WSB2: variants seen among roughly 807,000 people sequenced by gnomAD.
The protein encoded by WSB2 is WD repeat and SOCS box containing 2, also known as WD repeat and SOCS box-containing protein 2.
In WSB2, 12 loss-of-function variants were observed where a neutral mutation model predicts 48.8. The observed-to-expected ratio is 0.25, with a 90% CI of 0.16 to 0.40. The LOEUF is 0.40. Ranked by LOEUF, WSB2 falls within the 10% of genes least tolerant of loss-of-function variation. The pLI is 1.00. For synonymous variants in WSB2, 191 were observed against 203.1 expected (o/e 0.94, Z 0.51); for missense variants, 317 against 506.2 (o/e 0.63, Z 3.59).
intron 2 of WSB2, among the ~76,000 whole-genome samples, chr12:118,045,974 T>C (rs2031737516): frequency 6.6e-6 from 1 of 152,202 alleles, no homozygotes. Flanking sequence ...CTAGTGCATT[T>C]CACTTAGGAT....
At chr12:118,049,464 C>T (rs141259738) in intron 2 of WSB2, among the ~76,000 whole-genome samples, 120 of 151,864 alleles carry the variant, frequency 7.9e-4, no homozygotes, top group African/African-American at 2.8e-3. Context: ...TGCAGTGGCG[C>T]GATCTCAGCT....
rs1472674316 is a variant in WSB2 at position 118,032,895 on chromosome 12, A to G, written c.*1301T>C. The G allele has an allele frequency of 6.6e-6, 1 of 152,036 alleles. No homozygotes were observed. Among genetic ancestry groups the G allele is most frequent in the Non-Finnish European group, 1.5e-5 (1 of 68,020 alleles). 9.4% of individuals were successfully genotyped at this position (152,036 alleles called of 1,614,324 possible). On this transcript the variant is annotated 3_prime_UTR_variant, in exon 9 of 9. Transcript: ENST00000315436. The stretch of plus-strand genomic sequence containing the variant: ...TTTTCTTAATGGAAAAAAATGAAAC[A>G]GAGAGCCAAAAGCTTTTAACTGTTG...
At chr12:118,038,225 A>T (rs2031555668) in intron 5 of WSB2, 63 bp downstream of exon 5, 1 of 1,505,434 alleles carries the variant, frequency 6.6e-7, no homozygotes, top group South Asian at 1.2e-5. Context: ...ACTCACACAC[A>T]CCAGGCCACC....
chr12:118,054,692 A>C (rs1347452527), intron 1 of WSB2, among the ~76,000 whole-genome samples: 1 of 113,460 alleles, frequency 8.8e-6, no homozygotes, highest in African/African-American at 2.6e-5. Flanking sequence ...AATAATAATA[A>C]TAATAATAAT....
At chr12:118,042,651 T>C (rs1593466151) in intron 4 of WSB2, 190 bp downstream of exon 4, 1 of 768,952 alleles carries the variant, frequency 1.3e-6, no homozygotes, top group East Asian at 2.7e-5. Context: ...TATTAAACTC[T>C]ATTTGGTATA....
chr12:118,061,313 G>A, upstream of WSB2: 2 of 539,170 alleles, frequency 3.7e-6, no homozygotes, highest in Non-Finnish European at 4.7e-6. Context: ...GAGGCGGTAC[G>A]CTGACGGGAT....
chr12:118,036,420 A>C lies in WSB2; in HGVS notation c.751T>G (p.Ser251Ala), dbSNP rs1453992370. 6.2e-7 allele frequency: 1 copy of C among 1,614,220 alleles called. No individual in the cohort carries two copies. The change falls in exon 6 of 9, where the codon TCT (serine) becomes GCT (alanine). Residue 251 changes from serine to alanine, a missense_variant. Coordinates refer to ENST00000315436, the MANE Select transcript of WSB2 (RefSeq NM_018639.5). ...SVVSCDFSPD[S>A]ALLVTASYDT... ...TAAGAAGCCGTGACAAGCAGGGCAG[A>C]GTCGGGGGAGAAGTCACAAGAGACA...
At chr12:118,055,607 CTTTT>C (rs748354611) in intron 1 of WSB2, among the ~76,000 whole-genome samples, 57 of 81,706 alleles carry the variant, frequency 7.0e-4, no homozygotes, top group African/African-American at 2.9e-3. Context: ...CTACATTATC[CTTTT>C]TTTTTTTTTT....
At chr12:118,053,632 T>C (rs528020996) in intron 1 of WSB2, among the ~76,000 whole-genome samples, 2 of 152,340 alleles carry the variant, frequency 1.3e-5, no homozygotes, top group Admixed American at 6.5e-5. Flanking sequence ...AGCTTCTTCA[T>C]TGACTGACCC....
chr12:118,043,310 T>G lies in WSB2; in HGVS notation c.250A>C (p.Lys84Gln). The G allele has an allele frequency of 1.2e-6, 2 of 1,612,396 alleles. No homozygotes were observed. Among genetic ancestry groups the G allele is most frequent in the African/African-American group, 1.3e-5 (1 of 75,030 alleles). ...KNETKGRGSP[K>Q]EKTLDCGQIV... is the part of the protein sequence containing the mutation. The stretch of plus-strand genomic sequence containing the variant: ...TGACCACAGTCCAGCGTCTTCTCTT[T>G]TGGGCTGCCCCGCCCTTTCGTCTCA... The change falls in exon 3 of 9, where the codon AAA becomes CAA. Residue 84 changes from lysine (K) to glutamine (Q), a missense_variant. Lys to Gln is a moderately conservative substitution (Grantham distance 53). Coordinates refer to ENST00000315436, the MANE Select transcript of WSB2 (RefSeq NM_018639.5).
In WSB2 at chr12:118,060,546, T is replaced by C. The variant is rs2032042136; in HGVS notation, c.13+490A>G. Among the ~76,000 whole-genome samples the C allele has an allele frequency of 6.6e-6, 1 of 152,166 alleles. No homozygotes were observed. The highest frequency in any genetic ancestry group is 1.5e-5 in the Non-Finnish European group (1 of 68,010). ...AGGAAGGTACTAGGATTATCCCATT[T>C]TGCAGATCAAAACTGAGACGTGGGT... On this transcript the variant is annotated intron_variant, in intron 1 of 8. Coordinates refer to ENST00000315436, the MANE Select transcript of WSB2 (RefSeq NM_018639.5). This position sits in a 1 kb window ranked among gnomAD's most constrained non-coding sequence, Gnocchi z 4.1.
intron 2 of WSB2, 24 bp downstream of exon 2, chr12:118,052,286 G>T (rs1281482988): frequency 6.2e-7 from 1 of 1,606,768 alleles, no homozygotes; most frequent in Non-Finnish European, 8.5e-7. Context: ...GCGCCGGATG[G>T]GGCCCCAGTA....
At chr12:118,051,067 AAAAG>A (rs980521745) in intron 2 of WSB2, among the ~76,000 whole-genome samples, 37 of 152,064 alleles carry the variant, frequency 2.4e-4, no homozygotes, top group African/African-American at 6.5e-4. Context: ...AAGAAAAAAA[AAAAG>A]AAAGAAAGAA....
chr12:118,059,392 C>A (rs1219618115), intron 1 of WSB2, among the ~76,000 whole-genome samples: 1 of 151,992 alleles, frequency 6.6e-6, no homozygotes, highest in Non-Finnish European at 1.5e-5. Context: ...CGGGGCTGGC[C>A]TAGAGGGTGC....
rs748861369 is a variant in WSB2 at position 118,036,403 on chromosome 12, C to T, written c.768G>A (p.Thr256=). Reference sequence around the variant, plus strand: ...TAATCACATTGGTATCGTAAGAAGCCGTGACAAGCAGGGCAGAGTCGGGGG... The same window carrying T: ...TAATCACATTGGTATCGTAAGAAGCTGTGACAAGCAGGGCAGAGTCGGGGG... ...DFSPDSALLV[T]ASYDTNVIMW... Residue 256 remains threonine, a synonymous_variant, in exon 6 of 9, where the codon ACG becomes ACA. Transcript: ENST00000315436. 27 of 1,614,012 alleles carry T rather than the reference C, an allele frequency of 1.7e-5. No homozygotes were observed. The highest frequency in any genetic ancestry group is 6.7e-5 in the African/African-American group (5 of 74,902).
chr12:118,037,175 GTC>G (rs921988326), intron 5 of WSB2, among the ~76,000 whole-genome samples: 3 of 151,154 alleles, frequency 2.0e-5, no homozygotes, highest in Admixed American at 6.6e-5. Context: ...GAGTAAGACT[GTC>G]TCAAATTTTT....
In WSB2 at chr12:118,035,068, G is replaced by A; in HGVS notation, c.970C>T (p.Leu324=). The change falls in exon 8 of 9, where the codon CTG becomes TTG. Residue 324 remains leucine, a synonymous_variant. Coordinates refer to ENST00000315436, the MANE Select transcript of WSB2 (RefSeq NM_018639.5). The stretch of plus-strand genomic sequence containing the variant: ...GGAGCAAATGCAATGGGAGTTTTCA[G>A]TTCCAGGGCCCAGATCCTGAGGAGT... ...DRLLRIWALE[L]KTPIAFAPMT... 6.2e-7 allele frequency: 1 copy of A among 1,614,208 alleles called. No homozygotes were observed. Among genetic ancestry groups the A allele is most frequent in the Non-Finnish European group, 8.5e-7 (1 of 1,180,036 alleles).
chr12:118,061,877 T>G (rs567622902), upstream of WSB2, among the ~76,000 whole-genome samples: 1 of 121,562 alleles, frequency 8.2e-6, no homozygotes, highest in African/African-American at 3.2e-5. Flanking sequence ...GAAGGTGTAA[T>G]AACCGGGTGC....
In WSB2 at chr12:118,035,195, A is replaced by G; in HGVS notation, c.944+19T>C. Reference sequence around the variant, plus strand: ...AAGCACTTGTTCTGAGGCCATGTAAAGAGAGTTCTCTTCGTTACCTGTCAT... The same window carrying G: ...AAGCACTTGTTCTGAGGCCATGTAAGGAGAGTTCTCTTCGTTACCTGTCAT... On this transcript the variant is annotated intron_variant, in intron 7 of 8. Transcript: ENST00000315436. The G allele has an allele frequency of 6.2e-7, 1 of 1,613,870 alleles. No individual in the cohort carries two copies. The highest frequency in any genetic ancestry group is 8.5e-7 in the Non-Finnish European group (1 of 1,179,732).
Sources: allele counts gnomAD v4.1 joint callset (sites outside exome capture counted in the v4.1 genomes callset), GRCh38; gene constraint gnomAD v4.1.1; non-coding constraint Gnocchi (gnomAD v3.1); transcripts MANE v1.5; gene names NCBI Gene and HGNC (gene_info 2026-07-23, HGNC 2026-07-21).